PCDHGA5: variants seen among roughly 807,000 people sequenced by gnomAD.
PCDHGA5 encodes the protein protocadherin gamma subfamily A, 5, also known as protocadherin gamma-A5.
A neutral mutation model predicts 56.7 loss-of-function variants in PCDHGA5; 36 were observed. The ratio of observed to expected loss-of-function variants is 0.64; its 90% CI spans 0.49 to 0.84. PCDHGA5 has a LOEUF of 0.84. Ranked by LOEUF, PCDHGA5 falls within the 40% of genes least tolerant of loss-of-function variation. PCDHGA5 has a pLI of 0.00. For missense variants in PCDHGA5, 1,305 were observed against 1,201.5 expected (o/e 1.09, Z -1.27); for synonymous variants, 563 against 520.2 (o/e 1.08, Z -1.12).
chr5:141,387,949 T>C lies in PCDHGA5; in HGVS notation c.2421+21198T>C, dbSNP rs1016295879. The C allele has an allele frequency of 1.6e-5, 24 of 1,491,992 alleles. No individual in the cohort carries two copies. Among genetic ancestry groups the C allele is most frequent in the Non-Finnish European group, 2.1e-5 (23 of 1,116,382 alleles). 92.4% of individuals were successfully genotyped at this position (1,491,992 alleles called of 1,614,324 possible). On this transcript the variant is annotated intron_variant, in intron 1 of 3. Transcript: ENST00000518069. ...CTGCCAGTGCTCTTTCTCTTCCTGC[T>C]GTCTTTGTTCTGCCCGGCGCTCTGT...
In PCDHGA5 at chr5:141,394,824, G is replaced by C. The variant is rs200702899; in HGVS notation, c.2421+28073G>C. The C allele has an allele frequency of 8.2e-4, 1,326 of 1,613,856 alleles. 15 individuals are homozygous for C. The highest frequency in any genetic ancestry group is 9.3e-4 in the Admixed American group (56 of 60,030). ...AGCCGTGGCTGACAGCATCCCCGAA[G>C]TCCTGACCGAGTTGGGCAGTCTGAA... On this transcript the variant is annotated intron_variant, in intron 1 of 3. Transcript: ENST00000518069.
At chr5:141,389,567 G>A in intron 1 of PCDHGA5, 1 of 1,613,250 alleles carries the variant, frequency 6.2e-7, no homozygotes, top group South Asian at 1.1e-5. Flanking sequence ...CACGGGTGCT[G>A]TACCCCGCGC....
At chr5:141,420,086 TAC>T (rs1396904191) in intron 1 of PCDHGA5, 2 of 1,614,002 alleles carry the variant, frequency 1.2e-6, no homozygotes, top group Non-Finnish European at 1.7e-6. Context: ...TCCCCCCAAC[TAC>T]AGTGAGGGAA....
At position 141,414,671 on chromosome 5, in the gene PCDHGA5, C is replaced by A. The variant is rs115280317; in HGVS notation, c.2421+47920C>A. On this transcript the variant is annotated intron_variant, in intron 1 of 3. Coordinates refer to ENST00000518069, the MANE Select transcript of PCDHGA5 (RefSeq NM_018918.3). ...ATTATTTACTCCCTGGCTGAAGACA[C>A]CATCCAGGGGGTACCTCTGTCCTCA... 857 of 1,613,966 alleles carry A rather than the reference C, an allele frequency of 5.3e-4. 9 individuals carry two copies. In the African/African-American group the frequency reaches 0.01, roughly 19 times the overall value.
In PCDHGA5 at chr5:141,376,256, C is replaced by T. The variant is rs576537938; in HGVS notation, c.2421+9505C>T. ...GCAGCGCTGGCACAAGTCACGCCTG[C>T]TGCAGGCTTCGGGAGGTGGCTTAGC... On this transcript the variant is annotated intron_variant, in intron 1 of 3. Transcript: ENST00000518069. 8 of 1,614,228 alleles carry T rather than the reference C, an allele frequency of 5.0e-6. No homozygotes were observed. The East Asian group carries it at 1.8e-4, about 36-fold the overall frequency.
chr5:141,374,069 C>T (rs747646831), intron 1 of PCDHGA5: 8 of 1,502,764 alleles, frequency 5.3e-6, no homozygotes, highest in Non-Finnish European at 7.1e-6. Context: ...CAGAGAAGTT[C>T]CTAATAAGCC....
intron 1 of PCDHGA5, chr5:141,424,024 C>T: frequency 9.6e-7 from 1 of 1,045,488 alleles, no homozygotes; most frequent in Non-Finnish European, 1.2e-6. Flanking sequence ...GATTCACAAA[C>T]ACTTTTTATT....
At chr5:141,437,042 A>G (rs1355358776) in intron 1 of PCDHGA5, among the ~76,000 whole-genome samples, 1 of 152,264 alleles carries the variant, frequency 6.6e-6, no homozygotes, top group Non-Finnish European at 1.5e-5. Context: ...CACCGAAACC[A>G]GAAGGCTGGT....
intron 1 of PCDHGA5, among the ~76,000 whole-genome samples, chr5:141,420,710 G>A (rs2096519301): frequency 6.6e-6 from 1 of 152,186 alleles, no homozygotes; most frequent in South Asian, 2.1e-4. Flanking sequence ...TTCCAGAAAT[G>A]TCGTTCCTTT....
At chr5:141,426,625 A>G (rs770683989) in intron 1 of PCDHGA5, 29 of 394,754 alleles carry the variant, frequency 7.3e-5, no homozygotes, top group South Asian at 7.2e-5. Context: ...AATCCTCTAA[A>G]TGTTTTTCAC....
intron 1 of PCDHGA5, chr5:141,389,201 C>T: frequency 1.2e-6 from 2 of 1,614,034 alleles, no homozygotes; most frequent in Non-Finnish European, 1.7e-6. Flanking sequence ...TCACCCTGCA[C>T]ATTGGTGATG....
At chr5:141,503,263 C>T (rs2099818883) in intron 2 of PCDHGA5, among the ~76,000 whole-genome samples, 2 of 152,212 alleles carry the variant, frequency 1.3e-5, no homozygotes, top group South Asian at 4.2e-4. Context: ...GCCACAACCC[C>T]AGCACCTGGC....
chr5:141,428,077 A>G (rs2097107152), intron 1 of PCDHGA5: 4 of 1,609,206 alleles, frequency 2.5e-6, no homozygotes, highest in South Asian at 1.1e-5. Flanking sequence ...GATTCGGGAC[A>G]CAACGCTTGG....
Position 141,485,731 on chromosome 5 carries a change from C to T in PCDHGA5, c.2422-9076C>T, listed in dbSNP as rs1440070106. The T allele has an allele frequency of 1.9e-6, 3 of 1,614,036 alleles. No individual in the cohort carries two copies. The highest frequency in any genetic ancestry group is 2.2e-5 in the South Asian group (2 of 91,080). On this transcript the variant is annotated intron_variant, in intron 1 of 3. Transcript: ENST00000518069. This position sits in a 1 kb window ranked among gnomAD's most constrained non-coding sequence, Gnocchi z 5.7. ...TTGCACTGGATGTGAAGAAGCGCAG[C>T]GACGGCAGCCTGGTCCCAGAGCTGC...
At chr5:141,427,294 AT>A (rs2097012877) in intron 1 of PCDHGA5, 1 of 456,758 alleles carries the variant, frequency 2.2e-6, no homozygotes, top group Non-Finnish European at 4.4e-6. Flanking sequence ...GAAATCCTAG[AT>A]GAGAATGACA....
chr5:141,431,921 G>A lies in PCDHGA5; in HGVS notation c.2422-62886G>A. The A allele has an allele frequency of 1.9e-6, 3 of 1,614,142 alleles. No homozygotes were observed. Among genetic ancestry groups the A allele is most frequent in the South Asian group, 2.2e-5 (2 of 91,084 alleles). On this transcript the variant is annotated intron_variant, in intron 1 of 3. Transcript: ENST00000518069. The surrounding 1 kb of genome is among the most constrained non-coding windows in gnomAD (Gnocchi z 4.8). ...CGGACAGGTGATCTGTTTCATCCAA[G>A]GAAATCTGCCCTTTAAATTAGAAAA...
rs118021618 is a variant in PCDHGA5, at chr5:141,382,926, C to T, written c.2421+16175C>T. On this transcript the variant is annotated intron_variant, in intron 1 of 3. Transcript: ENST00000518069. ...TGGCGGCTCAGCCGAGGGGCGGGGA[C>T]TACAGAGGATTCTTCCTGCTCTCCA... 1,227 of 1,577,740 alleles carry T rather than the reference C, an allele frequency of 7.8e-4. 19 individuals carry two copies. The East Asian group carries it at 0.025, about 33-fold the overall frequency.
chr5:141,465,448 A>G (rs2099103302), intron 1 of PCDHGA5, among the ~76,000 whole-genome samples: 2 of 152,192 alleles, frequency 1.3e-5, no homozygotes, highest in Admixed American at 1.3e-4. Flanking sequence ...TTACCCAAGA[A>G]AACTCTCACC....
chr5:141,464,970 G>A (rs550643230), intron 1 of PCDHGA5, among the ~76,000 whole-genome samples: 1 of 152,028 alleles, frequency 6.6e-6, no homozygotes, highest in East Asian at 1.9e-4. Flanking sequence ...TTGAACTACT[G>A]GCTTCAAGTG....
Sources: allele counts gnomAD v4.1 joint callset (sites outside exome capture counted in the v4.1 genomes callset), GRCh38; gene constraint gnomAD v4.1.1; non-coding constraint Gnocchi (gnomAD v3.1); transcripts MANE v1.5; gene names NCBI Gene and HGNC (gene_info 2026-07-23, HGNC 2026-07-21).